Variants in PUDP observed in about 807,000 individuals in gnomAD.
The protein encoded by PUDP is pseudouridine-5'-phosphatase.
In PUDP, 8 loss-of-function variants were observed where a neutral mutation model predicts 9.4. That is an observed-to-expected ratio of 0.85 (90% confidence interval 0.50 to 1.53). The LOEUF is 1.53. Among genes scored for constraint, PUDP ranks in the 40% most tolerant of loss-of-function variants. PUDP has a pLI of 0.00. For missense variants in PUDP, 188 were observed against 189.7 expected (o/e 0.99, Z 0.05); for synonymous variants, 99 against 80.7 (o/e 1.23, Z -1.22).
chrX:6,936,985 T>C lies in PUDP; in HGVS notation c.*247+40148A>G, dbSNP rs377727158. ...CACTGCTCAAGGAAATAAAAGAGGA[T>C]ACAAACAAATGGAAGAACATTCCAT... On this transcript the variant is annotated intron_variant and NMD_transcript_variant, in intron 3 of 3. Transcript: ENST00000655425. 5.1e-5 allele frequency among the ~76,000 whole-genome samples: 5 copies of C among 97,211 alleles called. No homozygotes were observed. The East Asian group carries it at 1.4e-3, about 26-fold the overall frequency. 84.4% of individuals were successfully genotyped at this position (97,211 alleles called of 115,157 possible).
intron 1 of PUDP, among the ~76,000 whole-genome samples, chrX:7,040,466 C>T (rs1318146640): frequency 9.0e-6 from 1 of 111,278 alleles, no homozygotes; most frequent in Non-Finnish European, 1.9e-5. Flanking sequence ...GGACAAAAAA[C>T]AGTCACAGTG....
At chrX:6,725,884 G>A (rs1344509708), upstream of PUDP, among the ~76,000 whole-genome samples, 3 of 111,476 alleles carry the variant, frequency 2.7e-5, no homozygotes, top group Non-Finnish European at 5.7e-5. Context: ...AAAATAGAAC[G>A]ACCATTCGAT....
intron 3 of PUDP, among the ~76,000 whole-genome samples, chrX:6,956,680 T>TA (rs759834864): frequency 1.8e-5 from 2 of 111,743 alleles, no homozygotes; most frequent in African/African-American, 3.3e-5. Flanking sequence ...GCTTTGCTGT[T>TA]ACGGTGTACA....
chrX:6,771,817 G>A (rs180748943), intron 3 of PUDP, among the ~76,000 whole-genome samples: 1 of 112,482 alleles, frequency 8.9e-6, no homozygotes, highest in African/African-American at 3.2e-5. Context: ...CAACTCTGCC[G>A]TTGTAGCATT....
intron 3 of PUDP, among the ~76,000 whole-genome samples, chrX:6,869,972 A>G (rs1927148972): frequency 8.9e-6 from 1 of 111,740 alleles, no homozygotes; most frequent in Non-Finnish European, 1.9e-5. Flanking sequence ...TGTTCATAGC[A>G]GCACTACTTA....
intron 3 of PUDP, among the ~76,000 whole-genome samples, chrX:6,924,606 C>T (rs1308692680): frequency 1.8e-5 from 2 of 111,808 alleles, no homozygotes; most frequent in African/African-American, 3.3e-5. Context: ...TTTTCCCTTG[C>T]GGGACTCTGG....
chrX:7,119,247 T>G (rs753558710), intron 1 of PUDP, among the ~76,000 whole-genome samples: 2 of 112,708 alleles, frequency 1.8e-5, no homozygotes, highest in East Asian at 5.6e-4. Context: ...CATCTGTTCT[T>G]CAACAAATGT....
intron 3 of PUDP, among the ~76,000 whole-genome samples, chrX:6,846,960 A>G (rs1926758291): frequency 9.0e-6 from 1 of 111,468 alleles, no homozygotes; most frequent in African/African-American, 3.3e-5. Flanking sequence ...GTTCAGGGTC[A>G]TAATCCATCT....
In PUDP at chrX:7,022,602, C is replaced by T. The variant is rs145157072; in HGVS notation, c.205-44259G>A. On this transcript the variant is annotated intron_variant and NMD_transcript_variant, in intron 1 of 3. Transcript: ENST00000655425. ...ATGCGTATGATTCTGGCCTCCACTG[C>T]CAGAATCCCTGGGTTCAAAATTTGA... Among the ~76,000 whole-genome samples, 267 of 111,537 alleles carry T rather than the reference C, an allele frequency of 2.4e-3. 4 individuals carry two copies. The East Asian group carries it at 0.068, about 28-fold the overall frequency.
chrX:6,787,614 C>T (rs1361324038), intron 3 of PUDP, among the ~76,000 whole-genome samples: 1 of 112,075 alleles, frequency 8.9e-6, no homozygotes, highest in Non-Finnish European at 1.9e-5. Context: ...ATTATCTTTC[C>T]CTGGCACATT....
intron 3 of PUDP, among the ~76,000 whole-genome samples, chrX:6,727,645 C>T (rs1263020993): frequency 8.9e-6 from 1 of 111,753 alleles, no homozygotes; most frequent in Non-Finnish European, 1.9e-5. Context: ...AATTTTAAAA[C>T]CAGCTGTCTT....
intron 3 of PUDP, among the ~76,000 whole-genome samples, chrX:6,829,419 T>A (rs868226171): frequency 8.9e-6 from 1 of 111,887 alleles, no homozygotes; most frequent in Non-Finnish European, 1.9e-5. Context: ...AGAGTATATT[T>A]ATTTTTAAAA....
chrX:6,950,152 A>G (rs1928528036), intron 3 of PUDP, among the ~76,000 whole-genome samples: 1 of 108,643 alleles, frequency 9.2e-6, no homozygotes, highest in Non-Finnish European at 1.9e-5. Context: ...AGCCTGGCCA[A>G]CGTGGTGAAA....
intron 3 of PUDP, among the ~76,000 whole-genome samples, chrX:6,916,398 T>G (rs946155728): frequency 1.1e-5 from 1 of 91,324 alleles, no homozygotes; most frequent in African/African-American, 3.9e-5. Context: ...TCCTTTCTTT[T>G]CTTGCATCCC....
chrX:7,040,776 C>G (rs1244210754), intron 1 of PUDP, among the ~76,000 whole-genome samples: 2 of 111,261 alleles, frequency 1.8e-5, no homozygotes, highest in African/African-American at 6.5e-5. Flanking sequence ...CACCCAAGAA[C>G]TGAGTAACAG....
chrX:7,056,777 T>C (rs1051714772), intron 3 of PUDP, among the ~76,000 whole-genome samples: 2 of 111,731 alleles, frequency 1.8e-5, no homozygotes, highest in African/African-American at 6.5e-5. Flanking sequence ...CGCTAGGGAA[T>C]AGACAGAGCA....
At chrX:7,045,789 G>C (rs1929976427), downstream of PUDP, among the ~76,000 whole-genome samples, 1 of 111,959 alleles carries the variant, frequency 8.9e-6, no homozygotes, top group Non-Finnish European at 1.9e-5. Context: ...AGCAAAACCT[G>C]AACGGTAGCT....
chrX:6,914,660 CA>C (rs1927902343), intron 3 of PUDP, among the ~76,000 whole-genome samples: 1 of 112,274 alleles, frequency 8.9e-6, no homozygotes, highest in Admixed American at 9.4e-5. Context: ...AGCTTCTAGG[CA>C]AAATTGTCTG....
At chrX:7,035,202 T>C (rs1340129672) in intron 1 of PUDP, among the ~76,000 whole-genome samples, 3 of 111,948 alleles carry the variant, frequency 2.7e-5, no homozygotes, top group Non-Finnish European at 5.6e-5. Flanking sequence ...CAAAATAGAC[T>C]ATAACTTTTT....
Sources: gnomAD v4.1 joint callset for allele counts (sites outside exome capture counted in the v4.1 genomes callset) on GRCh38, gnomAD v4.1.1 for gene constraint, MANE v1.5 for transcripts, NCBI Gene and HGNC (gene_info 2026-07-23, HGNC 2026-07-21) for gene names.